Variants in ARHGAP40 observed in about 807,000 individuals in gnomAD.
ARHGAP40 encodes the protein rho GTPase-activating protein 40.
A neutral mutation model predicts 73.5 loss-of-function variants in ARHGAP40; 43 were observed. That is an observed-to-expected ratio of 0.58 (90% confidence interval 0.46 to 0.75). The LOEUF (loss-of-function observed/expected upper bound fraction) is 0.75. ARHGAP40 is among the 30% of genes least tolerant of loss of function. ARHGAP40 has a pLI of 0.00. For synonymous variants in ARHGAP40, 300 were observed against 352.8 expected, an observed-to-expected ratio of 0.85 and a Z score of 1.68; for missense variants, 734 against 861.8, an observed-to-expected ratio of 0.85 and a Z score of 1.86.
chr20:38,640,426 C>T (rs556079600), intron 9 of ARHGAP40, among the ~76,000 whole-genome samples: 6 of 152,150 alleles, frequency 3.9e-5, no homozygotes, highest in East Asian at 3.9e-4. Context: ...CTCGCTATGT[C>T]GCCCAGGCTA....
intron 14 of ARHGAP40, among the ~76,000 whole-genome samples, chr20:38,649,495 G>A (rs2089074355): frequency 6.6e-6 from 1 of 152,216 alleles, no homozygotes; most frequent in Non-Finnish European, 1.5e-5. Flanking sequence ...TGCATTCTGA[G>A]GCAAGGGCAC....
chr20:38,641,534 C>A (rs941406692), intron 9 of ARHGAP40, among the ~76,000 whole-genome samples, 192 bp from the exon 10 acceptor site: 5 of 152,152 alleles, frequency 3.3e-5, no homozygotes, highest in Non-Finnish European at 5.9e-5. Flanking sequence ...AGCGAGTGAA[C>A]CTCCCACGAG....
intron 3 of ARHGAP40, 57 bp from the exon 4 acceptor site, chr20:38,628,869 GT>G (rs1416115046): frequency 8.2e-7 from 1 of 1,223,844 alleles, no homozygotes; most frequent in Non-Finnish European, 1.1e-6. Flanking sequence ...TCCCAGGGTT[GT>G]GTGAGCATTG....
chr20:38,601,886 G>A (rs2088735472), exon 1 of ARHGAP40: 4 of 1,285,354 alleles, frequency 3.1e-6, no homozygotes, highest in South Asian at 2.5e-5. Flanking sequence ...ATTGCCGATC[G>A]AGTCAGCCCC....
intron 1 of ARHGAP40, 22 bp from the exon 2 acceptor site, chr20:38,623,337 G>C: frequency 7.8e-7 from 1 of 1,275,494 alleles, no homozygotes; most frequent in Non-Finnish European, 1.0e-6. Context: ...TGACCTCCCT[G>C]CACCTTCCCC....
At chr20:38,638,692 C>A (rs1703206507) in intron 7 of ARHGAP40, 69 bp from the exon 8 acceptor site, 1 of 1,180,876 alleles carries the variant, frequency 8.5e-7, no homozygotes, top group Non-Finnish European at 1.1e-6. Flanking sequence ...TCATGGGAGA[C>A]AAACACACCA....
chr20:38,613,211 G>A (rs1478044844), intron 1 of ARHGAP40, among the ~76,000 whole-genome samples: 2 of 152,200 alleles, frequency 1.3e-5, no homozygotes, highest in African/African-American at 2.4e-5. Flanking sequence ...TGCTATCTCA[G>A]ATGGAGATTG....
chr20:38,650,540 C>T (rs2089083626), exon 15 of ARHGAP40: 1 of 465,364 alleles, frequency 2.1e-6, no homozygotes, highest in Non-Finnish European at 4.5e-6. Flanking sequence ...GAAGACTTTG[C>T]TTCACAGCTC....
chr20:38,650,072 C>T (rs1257770716), exon 15 of ARHGAP40: 2 of 360,160 alleles, frequency 5.6e-6, no homozygotes, highest in Non-Finnish European at 1.1e-5. Flanking sequence ...GAGGGGAGGC[C>T]AACACTGTAG....
At chr20:38,645,772 G>C (rs1284842891) in intron 11 of ARHGAP40, among the ~76,000 whole-genome samples, 1 of 152,160 alleles carries the variant, frequency 6.6e-6, no homozygotes, top group Admixed American at 6.5e-5. Context: ...AGCAGGTGCA[G>C]GACCCTCCAG....
At chr20:38,643,758 A>C (rs2089034030) in exon 11 of ARHGAP40, 2 of 1,305,366 alleles carry the variant, frequency 1.5e-6, no homozygotes, top group Non-Finnish European at 2.0e-6. Context: ...CAACAAGATG[A>C]CTCTGAGGAA....
chr20:38,649,983 T>A (rs2089079239), exon 15 of ARHGAP40: 1 of 563,974 alleles, frequency 1.8e-6, no homozygotes, highest in Non-Finnish European at 2.9e-6. Flanking sequence ...TTTTCTGAAA[T>A]GCCTCTCAGA....
At chr20:38,618,546 A>G (rs1256864540) in intron 1 of ARHGAP40, among the ~76,000 whole-genome samples, 1 of 152,168 alleles carries the variant, frequency 6.6e-6, no homozygotes, top group Non-Finnish European at 1.5e-5. Context: ...TCTCTGCTCC[A>G]TGATGTCTGG....
At chr20:38,632,739 G>A (rs1271367118) in intron 5 of ARHGAP40, among the ~76,000 whole-genome samples, 1 of 152,038 alleles carries the variant, frequency 6.6e-6, no homozygotes, top group East Asian at 1.9e-4. Context: ...ACTTTGGAAG[G>A]CCAAGGTGGG....
chr20:38,631,222 G>A (rs2088935965), intron 5 of ARHGAP40, among the ~76,000 whole-genome samples: 1 of 150,914 alleles, frequency 6.6e-6, no homozygotes, highest in African/African-American at 2.4e-5. Flanking sequence ...TGAGGCAGGA[G>A]GATCACTTGT....
At chr20:38,649,683 T>C (rs2089076552) in intron 14 of ARHGAP40, 74 bp from the exon 15 acceptor site, 2 of 948,020 alleles carry the variant, frequency 2.1e-6, no homozygotes, top group Non-Finnish European at 1.5e-6. Flanking sequence ...CACTGCCTGG[T>C]GAAGGGCTCT....
At chr20:38,606,241 G>A (rs1182017797) in intron 1 of ARHGAP40, among the ~76,000 whole-genome samples, 1 of 152,128 alleles carries the variant, frequency 6.6e-6, no homozygotes, top group African/African-American at 2.4e-5. Flanking sequence ...TCCTGTTGAT[G>A]GAATTTTAGG....
intron 1 of ARHGAP40, among the ~76,000 whole-genome samples, chr20:38,617,654 C>T (rs926850410): frequency 1.3e-5 from 2 of 152,126 alleles, no homozygotes; most frequent in South Asian, 2.1e-4. Context: ...GTGAGGGCTC[C>T]GGCCCTCTGA....
chr20:38,622,403 C>T (rs953583788), intron 1 of ARHGAP40, among the ~76,000 whole-genome samples: 4 of 152,112 alleles, frequency 2.6e-5, no homozygotes, highest in African/African-American at 4.8e-5. Context: ...GCCATTATGA[C>T]CAACCCTACC....
Sources: allele counts gnomAD v4.1 joint callset (sites outside exome capture counted in the v4.1 genomes callset), GRCh38; gene constraint gnomAD v4.1.1; transcripts MANE v1.5; gene names NCBI Gene and HGNC (gene_info 2026-07-23, HGNC 2026-07-21).